The following ARMC9 variants were observed in gnomAD, a reference collection of about 807,000 sequenced individuals.
The protein encoded by ARMC9 is armadillo repeat containing 9.
A neutral mutation model predicts 107.0 loss-of-function variants in ARMC9; 94 were observed. The ratio of observed to expected loss-of-function variants is 0.88; its 90% CI spans 0.74 to 1.04. ARMC9 has a LOEUF of 1.04. Among genes scored for constraint, ARMC9 ranks in the 50% least tolerant of loss-of-function variants. ARMC9 has a pLI of 0.00. For synonymous variants in ARMC9, 380 were observed against 396.9 expected (o/e 0.96, Z 0.51); for missense variants, 942 against 1,030.1 (o/e 0.91, Z 1.17).
chr2:231,341,731 T>C (rs766693050), intron 20 of ARMC9, among the ~76,000 whole-genome samples: 2 of 151,868 alleles, frequency 1.3e-5, no homozygotes. Flanking sequence ...TGTCTTTAAG[T>C]GATTCACAAA....
At position 231,358,249 on chromosome 2, in the gene ARMC9, C is replaced by T. The variant is rs982797358; in HGVS notation, c.2131+2315C>T. ...GGCAGTGCTGGGCTGGGCATGGGCA[C>T]CCCTGAGCCATGTTGCCTTCTGCTT... On this transcript the variant is annotated intron_variant, in intron 22 of 24. Coordinates refer to ENST00000611582, the MANE Select transcript of ARMC9 (RefSeq NM_001352754.2). This position sits in a 1 kb window ranked among gnomAD's most constrained non-coding sequence, Gnocchi z 4.5. Among the ~76,000 whole-genome samples the T allele has an allele frequency of 9.9e-5, 15 of 152,160 alleles. No individual in the cohort carries two copies. Among genetic ancestry groups the T allele is most frequent in the Non-Finnish European group, 4.4e-5 (3 of 68,028 alleles).
chr2:231,341,917 A>G (rs756757585), intron 20 of ARMC9, among the ~76,000 whole-genome samples: 2 of 152,190 alleles, frequency 1.3e-5, no homozygotes, highest in Non-Finnish European at 2.9e-5. Flanking sequence ...CGTCTGTAAC[A>G]CTGATGAAAG....
intron 19 of ARMC9, among the ~76,000 whole-genome samples, chr2:231,331,587 G>T (rs2043740850): frequency 6.6e-6 from 1 of 152,198 alleles, no homozygotes; most frequent in Non-Finnish European, 1.5e-5. Context: ...TCCTGAAGAG[G>T]CTGGTTGGCC....
intron 19 of ARMC9, among the ~76,000 whole-genome samples, chr2:231,303,170 C>T (rs1343539505): frequency 6.6e-6 from 1 of 152,112 alleles, no homozygotes; most frequent in East Asian, 1.9e-4. Context: ...TATCCTACAA[C>T]CTTACTGAAT....
chr2:231,220,418 G>A (rs1180064303), intron 5 of ARMC9, among the ~76,000 whole-genome samples: 1 of 151,892 alleles, frequency 6.6e-6, no homozygotes, highest in Non-Finnish European at 1.5e-5. Context: ...CCAACATGGT[G>A]AAACCCTGTC....
intron 16 of ARMC9, among the ~76,000 whole-genome samples, chr2:231,279,397 C>T (rs1324754555): frequency 1.1e-4 from 16 of 152,290 alleles, no homozygotes; most frequent in Non-Finnish European, 8.8e-5. Flanking sequence ...AAAAATCTAA[C>T]CACTTTAGAC....
chr2:231,308,354 C>G (rs2042149172), intron 19 of ARMC9, among the ~76,000 whole-genome samples: 1 of 152,134 alleles, frequency 6.6e-6, no homozygotes, highest in Non-Finnish European at 1.5e-5. Flanking sequence ...TGTCTAGGGT[C>G]CCAAGGCAGT....
intron 5 of ARMC9, among the ~76,000 whole-genome samples, chr2:231,220,171 T>C (rs2033965791): frequency 6.6e-6 from 1 of 152,244 alleles, no homozygotes. Flanking sequence ...GTCTGTTCTT[T>C]AACCTTTTCA....
chr2:231,283,741 T>C (rs1356968619), intron 17 of ARMC9, among the ~76,000 whole-genome samples: 1 of 152,174 alleles, frequency 6.6e-6, no homozygotes. Context: ...ATTTTTGTTT[T>C]AGTTTTTGAG....
In ARMC9 at chr2:231,362,213, T is replaced by C. The variant is rs73098114; in HGVS notation, c.2261+1330T>C. Among the ~76,000 whole-genome samples, 23,915 of 152,096 alleles carry C rather than the reference T, an allele frequency of 0.16. 4,198 individuals carry two copies. Among genetic ancestry groups the C allele is most frequent in the African/African-American group, 0.44 (18,028 of 41,400 alleles). ...TGTGGCTGAAGAGGAGCTTGTCAGC[T>C]AGACCAGGGGTTCTCAGGCTCTCAG... On this transcript the variant is annotated intron_variant, in intron 23 of 24. Coordinates refer to ENST00000611582, the MANE Select transcript of ARMC9 (RefSeq NM_001352754.2). The surrounding 1 kb of genome is among the most constrained non-coding windows in gnomAD (Gnocchi z 4.7).
At chr2:231,263,307 AG>A (rs1428522993) in intron 12 of ARMC9, among the ~76,000 whole-genome samples, 1 of 152,222 alleles carries the variant, frequency 6.6e-6, no homozygotes, top group Admixed American at 6.5e-5. Flanking sequence ...TACCACAGAT[AG>A]GGTAATTTAT....
chr2:231,208,063 G>T, intron 2 of ARMC9, 64 bp from the exon 3 acceptor site: 2 of 758,768 alleles, frequency 2.6e-6, no homozygotes, highest in Non-Finnish European at 4.3e-6. Context: ...CAGATCCTTT[G>T]GCTGTTTTTT....
chr2:231,267,690 G>A (rs970632114), intron 12 of ARMC9, among the ~76,000 whole-genome samples: 8 of 152,338 alleles, frequency 5.3e-5, no homozygotes, highest in Middle Eastern at 3.4e-3. Context: ...GGGCATGGAA[G>A]GGGGAGCTAG....
intron 11 of ARMC9, among the ~76,000 whole-genome samples, chr2:231,260,990 C>T (rs1018757707): frequency 3.3e-5 from 5 of 152,286 alleles, no homozygotes; most frequent in East Asian, 3.9e-4. Context: ...TCCAGGCACA[C>T]CCTGGCCATG....
rs115847297 is a variant in ARMC9, at chr2:231,246,171, G to C, written c.879+6130G>C. Among the ~76,000 whole-genome samples the C allele has an allele frequency of 5.6e-3, 855 of 152,188 alleles. 6 individuals carry two copies. The highest frequency in any genetic ancestry group is 0.019 in the African/African-American group (804 of 41,500). ...CTTTTTCTTCAACAACTCCAGATAA[G>C]GCCCCATTGGAAATAAAAGTCAAAA... On this transcript the variant is annotated intron_variant, in intron 9 of 24. Transcript: ENST00000611582.
At position 231,360,375 on chromosome 2, in the gene ARMC9, G is replaced by C. The variant is rs7558547; in HGVS notation, c.2132-379G>C. Among the ~76,000 whole-genome samples, 20,985 of 152,200 alleles carry C rather than the reference G, an allele frequency of 0.14. 3,269 individuals are homozygous for C. Among genetic ancestry groups the C allele is most frequent in the African/African-American group, 0.38 (15,830 of 41,466 alleles). ...AGCAAATAAAACTACACACCACCCA[G>C]TTACATTTGAGTTTCAGATAAGCAA... is the stretch of plus-strand genomic sequence containing the variant. On this transcript the variant is annotated intron_variant, in intron 22 of 24. Coordinates refer to ENST00000611582, the MANE Select transcript of ARMC9 (RefSeq NM_001352754.2). The surrounding 1 kb of genome is among the most constrained non-coding windows in gnomAD (Gnocchi z 4.7).
At chr2:231,328,706 T>TAGCATACA (rs2043498488) in intron 19 of ARMC9, among the ~76,000 whole-genome samples, 2 of 152,052 alleles carry the variant, frequency 1.3e-5, no homozygotes. Flanking sequence ...CCTCTACCAG[T>TAGCATACA]AGCATACAAT....
chr2:231,306,760 A>G (rs1405987730), intron 19 of ARMC9, among the ~76,000 whole-genome samples: 1 of 152,202 alleles, frequency 6.6e-6, no homozygotes, highest in Non-Finnish European at 1.5e-5. Context: ...GAGGAAAAAA[A>G]AAAAATAGAA....
intron 19 of ARMC9, among the ~76,000 whole-genome samples, chr2:231,321,395 C>G: frequency 6.6e-6 from 1 of 152,190 alleles, no homozygotes; most frequent in Non-Finnish European, 1.5e-5. Flanking sequence ...GGAGGCTGGT[C>G]CCAGGCCACA....
Sources: allele counts gnomAD v4.1 joint callset (sites outside exome capture counted in the v4.1 genomes callset), GRCh38; gene constraint gnomAD v4.1.1; non-coding constraint Gnocchi (gnomAD v3.1); transcripts MANE v1.5; gene names NCBI Gene and HGNC (gene_info 2026-07-23, HGNC 2026-07-21).